The following SPAG6 variants were observed in gnomAD, a reference collection of about 807,000 sequenced individuals.
The protein encoded by SPAG6 is sperm-associated antigen 6.
In SPAG6, 49 loss-of-function variants were observed where a neutral mutation model predicts 58.5. The observed-to-expected ratio is 0.84, with a 90% confidence interval of 0.67 to 1.06. The LOEUF (loss-of-function observed/expected upper bound fraction) is 1.06. SPAG6 is among the 50% of genes least tolerant of loss of function. The probability of loss-of-function intolerance (pLI) is 0.00; values close to 1 mark genes in which losing one functional copy is unlikely to be tolerated. For missense variants in SPAG6, 560 were observed against 611.3 expected (o/e 0.92, Z 0.89); for synonymous variants, 233 against 225.6 (o/e 1.03, Z -0.29).
At chr10:22,346,165 T>G in intron 2 of SPAG6, 11 of 1,207,200 alleles carry the variant, frequency 9.1e-6, no homozygotes, top group Non-Finnish European at 1.2e-5. Flanking sequence ...CCACCCTGCC[T>G]TTGATCACCT....
At chr10:22,365,954 T>C (rs1375518032) in intron 3 of SPAG6, among the ~76,000 whole-genome samples, 1 of 152,164 alleles carries the variant, frequency 6.6e-6, no homozygotes, top group African/African-American at 2.4e-5. Flanking sequence ...GGAACTTTCA[T>C]ACATTGCTGG....
At chr10:22,387,233 G>T (rs1319859096) in intron 5 of SPAG6, among the ~76,000 whole-genome samples, 1 of 151,992 alleles carries the variant, frequency 6.6e-6, no homozygotes, top group East Asian at 1.9e-4. Flanking sequence ...ATTAAATCCT[G>T]GTTTGGAAAA....
intron 4 of SPAG6, among the ~76,000 whole-genome samples, chr10:22,382,004 A>T (rs1018459900): frequency 6.6e-6 from 1 of 152,168 alleles, no homozygotes; most frequent in African/African-American, 2.4e-5. Flanking sequence ...AACCAAACAA[A>T]CCAAAAACCC....
rs1836496030 is a variant in SPAG6 at position 22,345,595 on chromosome 10, A to G, written c.-17A>G. The G allele has an allele frequency of 5.2e-6, 8 of 1,528,912 alleles. No individual in the cohort carries two copies. Among genetic ancestry groups the G allele is most frequent in the Non-Finnish European group, 7.0e-6 (8 of 1,139,552 alleles). 94.7% of individuals were successfully genotyped at this position (1,528,912 alleles called of 1,614,324 possible). On this transcript the variant is annotated 5_prime_UTR_variant, in exon 1 of 11. Transcript: ENST00000376624. The surrounding 1 kb of genome is among the most constrained non-coding windows in gnomAD (Gnocchi z 6.3). The stretch of plus-strand genomic sequence containing the variant: ...TCCCCGCAGAGCTCGAGGAGGGCAG[A>G]CGGCGGCGGGGGCGCCATGAGTCAG...
At chr10:22,349,318 C>T (rs1004987805) in intron 2 of SPAG6, among the ~76,000 whole-genome samples, 5 of 151,802 alleles carry the variant, frequency 3.3e-5, no homozygotes, top group African/African-American at 1.2e-4. Flanking sequence ...TCTTTATGTA[C>T]TCTCAAATTC....
rs1374559750 is a variant in SPAG6 at position 22,386,966 on chromosome 10, C to T, written c.678+7C>T. 1 of 1,607,508 alleles carries T rather than the reference C, an allele frequency of 6.2e-7. No individual in the cohort carries two copies. Among genetic ancestry groups the T allele is most frequent in the Non-Finnish European group, 8.5e-7 (1 of 1,175,014 alleles). On this transcript the variant is annotated splice_region_variant and intron_variant, in intron 5 of 10. Coordinates refer to ENST00000376624, the MANE Select transcript of SPAG6 (RefSeq NM_012443.4). Reference sequence around the variant, plus strand: ...CCCTGATGCTAAATTGAAGGTATTTCAAAATAAGGTTGAAAAATACATCAG... The same window carrying T: ...CCCTGATGCTAAATTGAAGGTATTTTAAAATAAGGTTGAAAAATACATCAG...
At chr10:22,410,483 G>C (rs1401360591) in intron 9 of SPAG6, among the ~76,000 whole-genome samples, 13 of 152,198 alleles carry the variant, frequency 8.5e-5, no homozygotes. Context: ...GATTCTTAAA[G>C]GAGGTGACAC....
chr10:22,411,840 C>CTTTTTTTTTTTTT lies in SPAG6; in HGVS notation c.1460+678_1460+690dup, dbSNP rs546172800. ...AAGAGAATGATTTAAACAACTGAAT[C>CTTTTTTTTTTTTT]TTTTTTTTTTTTTTTTTTTTTTTTT... is the stretch of plus-strand genomic sequence containing the variant. On this transcript the variant is annotated intron_variant, in intron 10 of 10. Coordinates refer to ENST00000376624, the MANE Select transcript of SPAG6 (RefSeq NM_012443.4). Among the ~76,000 whole-genome samples the CTTTTTTTTTTTTT allele has an allele frequency of 7.5e-4, 50 of 66,792 alleles. 7 individuals are homozygous for CTTTTTTTTTTTTT. Among genetic ancestry groups the CTTTTTTTTTTTTT allele is most frequent in the African/African-American group, 2.9e-3 (49 of 17,146 alleles). The allele number at this position is 66,792 out of a possible 152,430, so 43.8% of individuals were successfully genotyped here.
intron 4 of SPAG6, 82 bp downstream of exon 4, chr10:22,368,760 T>C: frequency 6.4e-6 from 7 of 1,091,338 alleles, no homozygotes; most frequent in Non-Finnish European, 9.2e-6. Flanking sequence ...TTTTGCTTAG[T>C]AAAACATAGG....
rs1340559875 is a variant in SPAG6, at chr10:22,411,076, G to C, written c.1360G>C (p.Gly454Arg). The part of the protein sequence containing the change: ...SKARRLFVTS[G>R]GLKKVQEIKA... ...AGCTCGACGACTTTTTGTAACAAGTGGTGGCCTTAAAAAAGTTCAAGAGAT... is the reference window on the plus strand; with the variant it reads ...AGCTCGACGACTTTTTGTAACAAGTCGTGGCCTTAAAAAAGTTCAAGAGAT... The change falls in exon 10 of 11, where the codon GGT becomes CGT. Residue 454 changes from glycine to arginine, a missense_variant. Transcript: ENST00000376624. The C allele has an allele frequency of 1.9e-6, 3 of 1,614,028 alleles. No homozygotes were observed. Among genetic ancestry groups the C allele is most frequent in the Non-Finnish European group, 2.5e-6 (3 of 1,179,940 alleles).
chr10:22,407,269 C>A (rs757461071), intron 9 of SPAG6, among the ~76,000 whole-genome samples: 57 of 152,042 alleles, frequency 3.7e-4, no homozygotes, highest in Non-Finnish European at 6.8e-4. Context: ...TTTGCAGCAG[C>A]TGGTATCGGT....
intron 8 of SPAG6, among the ~76,000 whole-genome samples, chr10:22,398,972 C>T (rs1321806255): frequency 6.6e-6 from 1 of 152,076 alleles, no homozygotes; most frequent in Non-Finnish European, 1.5e-5. Flanking sequence ...GCACCCACCA[C>T]CATACCTGGC....
chr10:22,351,238 A>G (rs1041443999), intron 2 of SPAG6, among the ~76,000 whole-genome samples: 2 of 152,164 alleles, frequency 1.3e-5, no homozygotes, highest in Admixed American at 6.5e-5. Flanking sequence ...TCCAGGTTTG[A>G]GGGAGTGGGA....
At chr10:22,376,263 A>C (rs933142369) in intron 4 of SPAG6, among the ~76,000 whole-genome samples, 1 of 152,192 alleles carries the variant, frequency 6.6e-6, no homozygotes, top group African/African-American at 2.4e-5. Flanking sequence ...TAAGTGCAAA[A>C]TACACACTAG....
intron 8 of SPAG6, among the ~76,000 whole-genome samples, chr10:22,395,996 C>CA (rs1834283382): frequency 1.3e-5 from 2 of 152,164 alleles, no homozygotes; most frequent in African/African-American, 4.8e-5. Flanking sequence ...TTAATTGACT[C>CA]ACAGTTCTGC....
chr10:22,384,418 A>C (rs930429962), intron 4 of SPAG6, among the ~76,000 whole-genome samples: 3 of 152,230 alleles, frequency 2.0e-5, no homozygotes, highest in Non-Finnish European at 4.4e-5. Context: ...TGGGAAAAAG[A>C]GTAGTGATAG....
At chr10:22,376,655 A>G (rs938879553) in intron 4 of SPAG6, among the ~76,000 whole-genome samples, 6 of 151,562 alleles carry the variant, frequency 4.0e-5, no homozygotes, top group Non-Finnish European at 7.4e-5. Flanking sequence ...GTGTGTGTGT[A>G]TGACCTGTAG....
rs1388788249 is a variant in SPAG6 at position 22,345,800 on chromosome 10, G to C, written c.103G>C (p.Glu35Gln). 1.9e-6 allele frequency: 3 copies of C among 1,613,496 alleles called. No homozygotes were observed. The highest frequency in any genetic ancestry group is 1.3e-5 in the African/African-American group (1 of 74,994). The change falls in exon 2 of 11, where the codon GAG becomes CAG. Residue 35 changes from glutamate to glutamine, a missense_variant. By Grantham distance (29) the Glu-to-Gln change is conservative. Coordinates refer to ENST00000376624, the MANE Select transcript of SPAG6 (RefSeq NM_012443.4). The surrounding 1 kb of genome is among the most constrained non-coding windows in gnomAD (Gnocchi z 6.3). ...AELATRPQNI[E>Q]TLQNAGVMSL... ...GCTGGCGACTAGACCCCAAAACATC[G>C]AGACGCTGCAGAACGCGGGTGAGCC... is the stretch of plus-strand genomic sequence containing the variant.
At chr10:22,403,279 C>T (rs968574219) in intron 9 of SPAG6, among the ~76,000 whole-genome samples, 2 of 152,126 alleles carry the variant, frequency 1.3e-5, no homozygotes, top group African/African-American at 2.4e-5. Context: ...TGCTATCCCT[C>T]CCCCCAACCC....
Sources: gnomAD v4.1 joint callset for allele counts (sites outside exome capture counted in the v4.1 genomes callset) on GRCh38, gnomAD v4.1.1 for gene constraint, Gnocchi (gnomAD v3.1) non-coding constraint, MANE v1.5 for transcripts, NCBI Gene and HGNC (gene_info 2026-07-23, HGNC 2026-07-21) for gene names.